Variants in TATDN1 observed in about 807,000 individuals in gnomAD.
TATDN1 encodes the protein TatD DNase domain containing 1, also known as deoxyribonuclease TATDN1.
TATDN1 carries 40 observed loss-of-function variants against 46.4 expected under a neutral mutation model. That is an observed-to-expected ratio of 0.86 (90% CI 0.67 to 1.12). The LOEUF (loss-of-function observed/expected upper bound fraction) is 1.12, where lower values mean the gene tolerates loss of function less well. Ranked by LOEUF, TATDN1 falls within the 50% of genes most tolerant of loss-of-function variation. The probability of loss-of-function intolerance (pLI) is 0.00; values close to 1 mark genes in which losing one functional copy is unlikely to be tolerated. For missense variants in TATDN1, 326 were observed against 348.4 expected (o/e 0.94, Z 0.51); for synonymous variants, 95 against 105.6 (o/e 0.90, Z 0.62).
intron 6 of TATDN1, among the ~76,000 whole-genome samples, chr8:124,512,765 T>C (rs1035674178): frequency 3.9e-5 from 6 of 152,130 alleles, no homozygotes; most frequent in African/African-American, 1.4e-4. Flanking sequence ...CCCATTTCTG[T>C]ACAACATGGT....
At chr8:124,492,339 T>C (rs986333934) in intron 11 of TATDN1, among the ~76,000 whole-genome samples, 1 of 152,194 alleles carries the variant, frequency 6.6e-6, no homozygotes. Flanking sequence ...TGCAAATATA[T>C]AGCTAAAGTC....
chr8:124,504,684 G>A (rs918678726), intron 8 of TATDN1: 1 of 167,278 alleles, frequency 6.0e-6, no homozygotes, highest in South Asian at 2.0e-4. Flanking sequence ...GGAAAGCTTA[G>A]TAATTTTATG....
intron 6 of TATDN1, among the ~76,000 whole-genome samples, chr8:124,512,445 A>AACAAACAC (rs1819106392): frequency 6.6e-6 from 1 of 152,108 alleles, no homozygotes; most frequent in African/African-American, 2.4e-5. Flanking sequence ...CAAACAAACA[A>AACAAACAC]ACAAACACAA....
At chr8:124,490,474 C>T (rs549773497) in intron 11 of TATDN1, among the ~76,000 whole-genome samples, 16 of 151,666 alleles carry the variant, frequency 1.1e-4, no homozygotes, top group African/African-American at 2.7e-4. Context: ...TGTGCCACTG[C>T]GCTCCAGCCT....
intron 1 of TATDN1, among the ~76,000 whole-genome samples, chr8:124,530,009 T>A (rs1820823819): frequency 6.6e-6 from 1 of 152,106 alleles, no homozygotes. Context: ...GAGAATCGCT[T>A]GAACCCGGGA....
At chr8:124,538,251 T>G (rs144918075) in intron 1 of TATDN1, 1 of 152,426 alleles carries the variant, frequency 6.6e-6, no homozygotes, top group Admixed American at 6.5e-5. Context: ...TCTTTTCCAT[T>G]ACCCTAGTTT....
rs1317683015 is a variant in TATDN1 at position 124,522,966 on chromosome 8, C to T, written c.59G>A (p.Gly20Glu). ...ATGCTTTTGAACCCCCCTATAAATTCCTCTGAACATAGGGTCAGTCAAGTT... is the reference window on the plus strand; with the variant it reads ...ATGCTTTTGAACCCCCCTATAAATTTCTCTGAACATAGGGTCAGTCAAGTT... ...GINLTDPMFR[G>E]IYRGVQKHQD... Residue 20 changes from glycine (G) to glutamate (E), a missense_variant, in exon 2 of 12, where the codon GGA (glycine) becomes GAA (glutamate). Transcript: ENST00000276692. 3.1e-6 allele frequency: 5 copies of T among 1,613,380 alleles called. 1 individual carries two copies. In the South Asian group the frequency reaches 4.4e-5, roughly 14 times the overall value.
intron 9 of TATDN1, 69 bp from the exon 10 acceptor site, chr8:124,495,611 T>G: frequency 7.8e-7 from 1 of 1,277,784 alleles, no homozygotes; most frequent in Non-Finnish European, 1.1e-6. Context: ...TATCACAACT[T>G]GTCTAAAATG....
At chr8:124,518,209 CT>C (rs1273308115) in intron 4 of TATDN1, among the ~76,000 whole-genome samples, 41 of 47,318 alleles carry the variant, frequency 8.7e-4, no homozygotes, top group Non-Finnish European at 1.3e-3. Context: ...GAGACTCTAT[CT>C]CAAAAAAAAA....
At chr8:124,511,817 T>C (rs768242709) in intron 6 of TATDN1, among the ~76,000 whole-genome samples, 3 of 152,206 alleles carry the variant, frequency 2.0e-5, no homozygotes. Context: ...ACAGCCATGA[T>C]TGTGCACATA....
At chr8:124,507,550 G>A (rs941959835) in intron 8 of TATDN1, among the ~76,000 whole-genome samples, 5 of 152,160 alleles carry the variant, frequency 3.3e-5, no homozygotes, top group African/African-American at 1.2e-4. Context: ...GGGAAGCCAG[G>A]GTGGGCAGAT....
At chr8:124,511,966 C>G (rs1219829726) in intron 6 of TATDN1, among the ~76,000 whole-genome samples, 1 of 152,210 alleles carries the variant, frequency 6.6e-6, no homozygotes. Context: ...CAAAGATCTG[C>G]TGATTCCAAA....
At chr8:124,523,325 G>T in intron 1 of TATDN1, 1 of 254,448 alleles carries the variant, frequency 3.9e-6, no homozygotes, top group Non-Finnish European at 7.6e-6. Context: ...GCTCAGAAGA[G>T]GCTTCCAGAA....
At chr8:124,531,732 A>T (rs1364127169) in intron 1 of TATDN1, among the ~76,000 whole-genome samples, 2 of 152,178 alleles carry the variant, frequency 1.3e-5, no homozygotes, top group East Asian at 3.8e-4. Context: ...ATTGTCCTGG[A>T]GGGAGCTTCA....
intron 1 of TATDN1, among the ~76,000 whole-genome samples, chr8:124,534,319 T>C (rs1049083933): frequency 6.6e-6 from 1 of 152,158 alleles, no homozygotes; most frequent in Non-Finnish European, 1.5e-5. Flanking sequence ...ACATCAAAAT[T>C]ATAAGAACTT....
chr8:124,528,685 T>C (rs1007513103), intron 1 of TATDN1, among the ~76,000 whole-genome samples: 3 of 152,158 alleles, frequency 2.0e-5, no homozygotes, highest in African/African-American at 7.2e-5. Context: ...ATTAAAAAGA[T>C]AGAGAAATAA....
chr8:124,525,822 T>G (rs1820438275), intron 1 of TATDN1, among the ~76,000 whole-genome samples: 1 of 152,198 alleles, frequency 6.6e-6, no homozygotes, highest in African/African-American at 2.4e-5. Context: ...AGACTCATGA[T>G]GTAATCATGA....
At chr8:124,501,285 T>C (rs1817941130) in intron 9 of TATDN1, among the ~76,000 whole-genome samples, 1 of 152,186 alleles carries the variant, frequency 6.6e-6, no homozygotes, top group Non-Finnish European at 1.5e-5. Flanking sequence ...GATCCCTTTC[T>C]GGAGAAACTG....
intron 4 of TATDN1, among the ~76,000 whole-genome samples, chr8:124,516,289 T>C (rs1819464913): frequency 6.6e-6 from 1 of 151,986 alleles, no homozygotes; most frequent in Non-Finnish European, 1.5e-5. Context: ...TTTAGGGCTG[T>C]AGAATGCAAA....
Sources: allele counts gnomAD v4.1 joint callset (sites outside exome capture counted in the v4.1 genomes callset), GRCh38; gene constraint gnomAD v4.1.1; transcripts MANE v1.5; gene names NCBI Gene and HGNC (gene_info 2026-07-23, HGNC 2026-07-21).